The following POLR1A variants were observed in gnomAD, a reference collection of about 807,000 sequenced individuals.
POLR1A encodes the protein RNA polymerase I subunit A.
In POLR1A, 84 loss-of-function variants were observed where a neutral mutation model predicts 205.3. The observed-to-expected ratio is 0.41, with a 90% CI of 0.34 to 0.49. The LOEUF (loss-of-function observed/expected upper bound fraction) is 0.49. POLR1A is among the 20% of genes least tolerant of loss of function. POLR1A has a pLI of 0.22. For synonymous variants in POLR1A, 799 were observed against 863.7 expected (o/e 0.93, Z 1.31); for missense variants, 1,645 against 2,204.5 (o/e 0.75, Z 5.08).
intron 8 of POLR1A, among the ~76,000 whole-genome samples, 191 bp from the exon 9 acceptor site, chr2:86,081,169 G>A (rs899862415): frequency 2.6e-5 from 4 of 152,190 alleles, no homozygotes; most frequent in African/African-American, 4.8e-5. Flanking sequence ...GCCATGGCAG[G>A]TGGATCACTG....
chr2:86,037,446 A>G (rs1292490618), intron 27 of POLR1A, among the ~76,000 whole-genome samples: 1 of 152,220 alleles, frequency 6.6e-6, no homozygotes, highest in African/African-American at 2.4e-5. Flanking sequence ...CAGGCCCCAT[A>G]AGGTGAGAGG....
At chr2:86,100,768 T>C (rs763004277) in intron 1 of POLR1A, among the ~76,000 whole-genome samples, 2 of 152,190 alleles carry the variant, frequency 1.3e-5, no homozygotes, top group Non-Finnish European at 2.9e-5. Flanking sequence ...CTTGAACTCC[T>C]GAGCTCTAGA....
chr2:86,023,783 ACT>A lies in POLR1A; in HGVS notation c.*3638_*3639del, dbSNP rs1558757984. ...TTTTTTTTTTTTGAGACGGAATCTC[ACT>A]CTGTCACCCAGGCTGGAGTGCAGTG... On this transcript the variant is annotated 3_prime_UTR_variant, in exon 34 of 34. Coordinates refer to ENST00000263857, the MANE Select transcript of POLR1A (RefSeq NM_015425.6). The A allele has an allele frequency of 6.8e-6, 1 of 146,466 alleles. No individual in the cohort carries two copies. The highest frequency in any genetic ancestry group is 1.5e-5 in the Non-Finnish European group (1 of 67,068). 9.1% of individuals were successfully genotyped at this position (146,466 alleles called of 1,614,324 possible).
chr2:86,049,055 C>A lies in POLR1A; in HGVS notation c.2476-13G>T. 6.2e-7 allele frequency: 1 copy of A among 1,614,178 alleles called. No homozygotes were observed. Among genetic ancestry groups the A allele is most frequent in the East Asian group, 2.2e-5 (1 of 44,886 alleles). ...CAGCCCTGACAGCCTAGAATGAGAA[C>A]AGAAACACAGCGGAGGCTGAGGCCA... is the stretch of plus-strand genomic sequence containing the variant. On this transcript the variant is annotated splice_polypyrimidine_tract_variant and intron_variant, in intron 17 of 33. Transcript: ENST00000263857.
At position 86,070,776 on chromosome 2, in the gene POLR1A, T is replaced by C. The variant is rs181404923; in HGVS notation, c.1612-504A>G. ...TTCACAAAAAGTTTGCCCAGCTTCATATAGCAGAGCCAGAAAAGGGTTCTT... is the reference window on the plus strand; with the variant it reads ...TTCACAAAAAGTTTGCCCAGCTTCACATAGCAGAGCCAGAAAAGGGTTCTT... On this transcript the variant is annotated intron_variant, in intron 12 of 33. Transcript: ENST00000263857. This position sits in a 1 kb window ranked among gnomAD's most constrained non-coding sequence, Gnocchi z 4.4. Among the ~76,000 whole-genome samples, 1 of 151,874 alleles carries C rather than the reference T, an allele frequency of 6.6e-6. No individual in the cohort carries two copies. Among genetic ancestry groups the C allele is most frequent in the Admixed American group, 6.6e-5 (1 of 15,242 alleles).
intron 13 of POLR1A, among the ~76,000 whole-genome samples, chr2:86,066,976 TG>T (rs1293554615): frequency 2.6e-5 from 4 of 152,194 alleles, no homozygotes; most frequent in Non-Finnish European, 5.9e-5. Context: ...TCACAGTCTT[TG>T]GGGGGCAGAT....
At chr2:86,071,973 AATTATTG>A (rs1174381799) in intron 12 of POLR1A, among the ~76,000 whole-genome samples, 2 of 152,156 alleles carry the variant, frequency 1.3e-5, no homozygotes, top group African/African-American at 2.4e-5. Context: ...GAAAACAACA[AATTATTG>A]GAAGTCTAGT....
Position 86,027,462 on chromosome 2 carries a change from G to C in POLR1A, c.5124C>G (p.Gly1708=), listed in dbSNP as rs763635601. 3 of 1,614,022 alleles carry C rather than the reference G, an allele frequency of 1.9e-6. No individual in the cohort carries two copies. The highest frequency in any genetic ancestry group is 1.1e-5 in the South Asian group (1 of 91,084). Residue 1708 remains glycine, a synonymous_variant, in exon 34 of 34, where the codon GGC becomes GGG. Transcript: ENST00000263857. ...ACLVVGKVVR[G]GTGLFELKQP... ...GCTTGAGCTCGAACAGGCCTGTCCC[G>C]CCCCTGACGACCTTCCCGACCACAA...
intron 3 of POLR1A, among the ~76,000 whole-genome samples, chr2:86,095,943 T>C (rs1030025858): frequency 2.6e-5 from 4 of 152,182 alleles, no homozygotes; most frequent in Non-Finnish European, 5.9e-5. Context: ...TTAGCTAGGA[T>C]GGTCTCGATC....
At chr2:86,105,661 A>G (rs752040902) in intron 1 of POLR1A, 39 bp downstream of exon 1, 1 of 1,449,756 alleles carries the variant, frequency 6.9e-7, no homozygotes, top group Non-Finnish European at 9.7e-7. Flanking sequence ...CGCCGACCTC[A>G]AGATCCAGGC....
rs184461533 is a variant in POLR1A at position 86,071,052 on chromosome 2, T to C, written c.1612-780A>G. 1.5e-3 allele frequency among the ~76,000 whole-genome samples: 227 copies of C among 151,422 alleles called. 2 individuals carry two copies. The highest frequency in any genetic ancestry group is 5.3e-3 in the African/African-American group (219 of 41,202). ...GCCCCATAGAAGGGGCAATAGTGTA[T>C]CCACACTATGGAATATTATGCAGTG... On this transcript the variant is annotated intron_variant, in intron 12 of 33. Coordinates refer to ENST00000263857, the MANE Select transcript of POLR1A (RefSeq NM_015425.6).
intron 1 of POLR1A, among the ~76,000 whole-genome samples, chr2:86,104,809 G>C (rs1438451789): frequency 6.6e-6 from 1 of 152,216 alleles, no homozygotes; most frequent in African/African-American, 2.4e-5. Flanking sequence ...TAAGATCTCT[G>C]TGTGAAATTC....
At chr2:86,084,336 G>C (rs1278558268) in intron 6 of POLR1A, among the ~76,000 whole-genome samples, 1 of 151,820 alleles carries the variant, frequency 6.6e-6, no homozygotes, top group African/African-American at 2.4e-5. Flanking sequence ...AGAATCGCTT[G>C]AACCTGAGAG....
At position 86,082,987 on chromosome 2, in the gene POLR1A, C is replaced by T. The variant is rs2288118; in HGVS notation, c.817+95G>A. 752,014 of 933,548 alleles carry T rather than the reference C, an allele frequency of 0.81. 308,082 individuals are homozygous for T. Among genetic ancestry groups the T allele is most frequent in the Non-Finnish European group, 0.84 (490,748 of 583,746 alleles). The allele number at this position is 933,548 out of a possible 1,614,324, so 57.8% of individuals were successfully genotyped here. A position where few individuals can be genotyped will look rare whatever the true frequency, so the allele number is the denominator to read the frequency against. On this transcript the variant is annotated intron_variant, in intron 7 of 33. Transcript: ENST00000263857. ...CAGTTCCAGGAGGAAGCTACAATCA[C>T]TACAACTTAAAAGAAGTAATAAGGC...
intron 2 of POLR1A, 103 bp from the exon 3 acceptor site, chr2:86,098,863 C>G: frequency 3.9e-6 from 4 of 1,036,368 alleles, no homozygotes; most frequent in Non-Finnish European, 5.7e-6. Flanking sequence ...CAGTCTATTC[C>G]TTTAAAAACT....
chr2:86,035,117 TGC>T lies in POLR1A; in HGVS notation c.4035-1332_4035-1331del, dbSNP rs1369742960. Among the ~76,000 whole-genome samples the T allele has an allele frequency of 5.9e-5, 9 of 152,330 alleles. No homozygotes were observed. The South Asian group carries it at 1.9e-3, about 32-fold the overall frequency. On this transcript the variant is annotated intron_variant, in intron 27 of 33. Coordinates refer to ENST00000263857, the MANE Select transcript of POLR1A (RefSeq NM_015425.6). The stretch of plus-strand genomic sequence containing the variant: ...GACTCCTGACCTCAGGTGATCCACC[TGC>T]CTTGGCCTCCCAAAGTGCTGGAATT...
At position 86,028,868 on chromosome 2, in the gene POLR1A, G is replaced by T; in HGVS notation, c.4780-157C>A. 1.6e-6 allele frequency: 1 copy of T among 617,824 alleles called. No individual in the cohort carries two copies. The highest frequency in any genetic ancestry group is 3.0e-6 in the Non-Finnish European group (1 of 338,532). The allele number at this position is 617,824 out of a possible 1,614,324, so 38.3% of individuals were successfully genotyped here. A position where few individuals can be genotyped will look rare whatever the true frequency, so the allele number is the denominator to read the frequency against. ...AGAGGTGGCCCAGGATTAGCAGAAGGAAATGGCTAGGCAGAGCTGCTGACG... is the reference window on the plus strand; with the variant it reads ...AGAGGTGGCCCAGGATTAGCAGAAGTAAATGGCTAGGCAGAGCTGCTGACG... On this transcript the variant is annotated intron_variant, in intron 31 of 33. Transcript: ENST00000263857. This position sits in a 1 kb window ranked among gnomAD's most constrained non-coding sequence, Gnocchi z 4.5.
rs1319008635 is a variant in POLR1A, at chr2:86,031,520, T to A, written c.4388A>T (p.Asp1463Val). Residue 1463 changes from aspartate to valine, a missense_variant, in exon 30 of 34, where the codon GAT becomes GTT. Asp to Val is a radical substitution (Grantham distance 152). Around this residue, in one of 16 missense-constraint regions of POLR1A, gnomAD observed 394 missense variants for 468.5 expected, o/e 0.84. Transcript: ENST00000263857. The stretch of plus-strand genomic sequence containing the variant: ...CTCAGTGCCTAAGCCCACCTCTTCA[T>A]CTTGCTCTTGGGTCTTTCGAGCACC... ...REGARKTQEQDEEVGLGTEED... is the reference protein window; with the variant it reads ...REGARKTQEQVEEVGLGTEED... 1 of 1,614,194 alleles carries A rather than the reference T, an allele frequency of 6.2e-7. No homozygotes were observed. Among genetic ancestry groups the A allele is most frequent in the Admixed American group, 1.7e-5 (1 of 60,030 alleles).
intron 2 of POLR1A, among the ~76,000 whole-genome samples, chr2:86,099,683 A>G (rs1673778081): frequency 6.6e-6 from 1 of 152,180 alleles, no homozygotes; most frequent in Non-Finnish European, 1.5e-5. Context: ...AGCCCCTGCA[A>G]CAAAAGGTGT....
Sources: allele counts gnomAD v4.1 joint callset (sites outside exome capture counted in the v4.1 genomes callset), GRCh38; gene constraint gnomAD v4.1.1; regional missense constraint gnomAD v4.1.1; non-coding constraint Gnocchi (gnomAD v3.1); transcripts MANE v1.5; gene names NCBI Gene and HGNC (gene_info 2026-07-23, HGNC 2026-07-21).